Variants in GAK observed in about 807,000 individuals in gnomAD.
GAK encodes cyclin-G-associated kinase.
GAK carries 79 observed loss-of-function variants against 143.9 expected under a neutral mutation model. The observed-to-expected ratio is 0.55, with a 90% CI of 0.46 to 0.66. The LOEUF (loss-of-function observed/expected upper bound fraction) is 0.66, where lower values mean the gene tolerates loss of function less well. GAK is among the 30% of genes least tolerant of loss of function. The pLI is 0.00. For synonymous variants in GAK, 881 were observed against 765.5 expected (o/e 1.15, Z -2.49); for missense variants, 1,693 against 1,779.7 (o/e 0.95, Z 0.88).
Position 882,012 on chromosome 4 carries a change from A to G in GAK, c.1556T>C (p.Val519Ala). 1 of 1,607,030 alleles carries G rather than the reference A, an allele frequency of 6.2e-7. No individual in the cohort carries two copies. The highest frequency in any genetic ancestry group is 8.5e-7 in the Non-Finnish European group (1 of 1,177,208). The change falls in exon 15 of 28, where the codon GTC becomes GCC. Residue 519 changes from valine to alanine, a missense_variant. Physicochemically the swap from Val to Ala is moderately conservative, Grantham distance 64 (BLOSUM62 0). Coordinates refer to ENST00000314167, the MANE Select transcript of GAK (RefSeq NM_005255.4). ...MDGRAASAVA[V>A]CSFLCFCRLF... ...ACGGCAGAAGCACAGGAAGGAGCAGACGGCCACAGCAGACGCGGCTCTCCC... is the reference window on the plus strand; with the variant it reads ...ACGGCAGAAGCACAGGAAGGAGCAGGCGGCCACAGCAGACGCGGCTCTCCC...
intron 4 of GAK, among the ~76,000 whole-genome samples, chr4:905,507 G>GCTACGGACTCCGCCACGCCCCATGCCACA: frequency 6.7e-6 from 1 of 149,144 alleles, no homozygotes; most frequent in African/African-American, 2.5e-5. Flanking sequence ...CCCATGCCAC[G>GCTACGGACTCCGCCACGCCCCATGCCACA]CTACGGACTC....
chr4:889,105 G>C (rs1483384376), intron 10 of GAK, 135 bp from the exon 11 acceptor site: 2 of 1,178,828 alleles, frequency 1.7e-6, no homozygotes, highest in Non-Finnish European at 2.3e-6. Context: ...CCCAGGTGCA[G>C]GTTGCTGGCT....
Position 849,761 on chromosome 4 carries a change from G to C in GAK, c.3848C>G (p.Pro1283Arg). 1 of 1,612,926 alleles carries C rather than the reference G, an allele frequency of 6.2e-7. No homozygotes were observed. The highest frequency in any genetic ancestry group is 1.3e-5 in the African/African-American group (1 of 75,000). ...GATCATCTTGGCGTGCTGCTCGTAC[G>C]GCTGCCCCGCAGCCTATGGGTGACA... is the stretch of plus-strand genomic sequence containing the variant. ...AVHPDKAAGQ[P>R]YEQHAKMIFM... Residue 1283 changes from proline (P) to arginine (R), a missense_variant, in exon 28 of 28, where the codon CCG becomes CGG. Coordinates refer to ENST00000314167, the MANE Select transcript of GAK (RefSeq NM_005255.4).
In GAK at chr4:849,604, G is replaced by A; in HGVS notation, c.*69C>T. 1 of 1,293,840 alleles carries A rather than the reference G, an allele frequency of 7.7e-7. No homozygotes were observed. The highest frequency in any genetic ancestry group is 1.1e-6 in the Non-Finnish European group (1 of 907,224). 80.1% of individuals were successfully genotyped at this position (1,293,840 alleles called of 1,614,324 possible). On this transcript the variant is annotated 3_prime_UTR_variant, in exon 28 of 28. Coordinates refer to ENST00000314167, the MANE Select transcript of GAK (RefSeq NM_005255.4). ...TGCTGTCGCCCACGGGGTCCTCACG[G>A]TGGGGACCCAGGTCCCACGACGGCT...
At chr4:856,703 T>C (rs2878358) in intron 24 of GAK, among the ~76,000 whole-genome samples, 92,819 of 147,040 alleles carry the variant, frequency 0.63, 28,657 homozygotes, top group South Asian at 0.81. Flanking sequence ...GCTGCCCACA[T>C]TTGCTCACCA....
At chr4:916,905 G>C (rs1416714737) in intron 1 of GAK, among the ~76,000 whole-genome samples, 2 of 152,224 alleles carry the variant, frequency 1.3e-5, no homozygotes, top group African/African-American at 2.4e-5. Context: ...GCAGCTTCAT[G>C]TGCAATAGCC....
At chr4:853,307 C>T (rs1324260851) in intron 24 of GAK, 3 of 152,308 alleles carry the variant, frequency 2.0e-5, no homozygotes, top group African/African-American at 7.2e-5. Context: ...CACTGTTTGG[C>T]TACAACAGAC....
intron 4 of GAK, among the ~76,000 whole-genome samples, chr4:905,554 C>T (rs902312096): frequency 2.0e-5 from 3 of 150,582 alleles, no homozygotes; most frequent in African/African-American, 4.9e-5. Context: ...CTCCGCCACG[C>T]CCCAGGCCAT....
chr4:884,493 C>T (rs1055344175), intron 11 of GAK: 43 of 197,038 alleles, frequency 2.2e-4, no homozygotes, highest in Non-Finnish European at 1.1e-4. Context: ...CCAGGCTCCA[C>T]GCGCTGCCCA....
intron 18 of GAK, chr4:872,437 C>T (rs1393644964): frequency 2.0e-5 from 3 of 152,446 alleles, no homozygotes; most frequent in South Asian, 2.1e-4. Flanking sequence ...GACTGCACAG[C>T]GGTGGCACAG....
intron 24 of GAK, among the ~76,000 whole-genome samples, chr4:856,601 G>GCTGCTCACCACCACAGGTGCTCACAC (rs1560281771): frequency 2.0e-5 from 2 of 99,050 alleles, no homozygotes; most frequent in Non-Finnish European, 3.9e-5. Flanking sequence ...GGTGCTCACA[G>GCTGCTCACCACCACAGGTGCTCACAC]CTGCTCACCA....
At chr4:899,258 A>G (rs897262128) in intron 5 of GAK, among the ~76,000 whole-genome samples, 7 of 152,222 alleles carry the variant, frequency 4.6e-5, no homozygotes, top group Non-Finnish European at 8.8e-5. Context: ...CTTCTGAGAT[A>G]GGGAAGGAGC....
chr4:905,734 T>C (rs575773578), intron 4 of GAK, among the ~76,000 whole-genome samples: 136 of 152,108 alleles, frequency 8.9e-4, no homozygotes, highest in African/African-American at 3.1e-3. Context: ...TGCTACGGAC[T>C]CCGCCACACC....
chr4:853,814 T>G (rs1280163266), intron 24 of GAK: 1 of 152,272 alleles, frequency 6.6e-6, no homozygotes, highest in East Asian at 1.9e-4. Context: ...TTTTTTTTTT[T>G]TTGAGACAGA....
At chr4:908,932 C>T (rs986873397) in intron 4 of GAK, among the ~76,000 whole-genome samples, 7 of 152,290 alleles carry the variant, frequency 4.6e-5, no homozygotes, top group Non-Finnish European at 8.8e-5. Context: ...CTCCACCTCC[C>T]AGGTTCAAGC....
intron 23 of GAK, 53 bp downstream of exon 23, chr4:865,069 G>C: frequency 6.4e-7 from 1 of 1,568,942 alleles, no homozygotes; most frequent in South Asian, 1.1e-5. Context: ...ATAGAGACGG[G>C]CCACAGCAGC....
At chr4:911,966 G>A (rs1199285985) in intron 3 of GAK, 179 bp from the exon 4 acceptor site, 4 of 539,406 alleles carry the variant, frequency 7.4e-6, no homozygotes, top group Non-Finnish European at 1.0e-5. Flanking sequence ...GAGAAAGGCA[G>A]ACAGAGGCAG....
Position 932,060 on chromosome 4 carries a change from C to A in GAK, c.128G>T (p.Arg43Leu). 1 of 1,600,330 alleles carries A rather than the reference C, an allele frequency of 6.2e-7. No homozygotes were observed. The highest frequency in any genetic ancestry group is 8.5e-7 in the Non-Finnish European group (1 of 1,174,802). Residue 43 changes from arginine to leucine, a missense_variant, in exon 1 of 28, where the codon CGG becomes CTG. By Grantham distance (102) the Arg-to-Leu change is moderately radical (BLOSUM62 -2). This residue lies in a region of GAK where 871 missense variants were observed against 991.0 expected (regional missense o/e 0.88). Coordinates refer to ENST00000314167, the MANE Select transcript of GAK (RefSeq NM_005255.4). This position sits in a 1 kb window ranked among gnomAD's most constrained non-coding sequence, Gnocchi z 4.0. ...VELGELRLRVRRVLAEGGFAF... is the reference protein window; with the variant it reads ...VELGELRLRVLRVLAEGGFAF... The stretch of plus-strand genomic sequence containing the variant: ...GGCCTCACCTTCGGCCAGGACCCGC[C>A]GCACCCGCAGCCGCAGCTCGCCCAG...
intron 6 of GAK, among the ~76,000 whole-genome samples, 162 bp from the exon 7 acceptor site, chr4:896,711 A>G (rs1224594246): frequency 6.6e-6 from 1 of 152,254 alleles, no homozygotes; most frequent in African/African-American, 2.4e-5. Context: ...GGCCCCATGC[A>G]CCAGCTCCGC....
Sources: allele counts gnomAD v4.1 joint callset (sites outside exome capture counted in the v4.1 genomes callset), GRCh38; gene constraint gnomAD v4.1.1; regional missense constraint gnomAD v4.1.1; non-coding constraint Gnocchi (gnomAD v3.1); transcripts MANE v1.5; gene names NCBI Gene and HGNC (gene_info 2026-07-23, HGNC 2026-07-21).